The following COG5 variants were observed in gnomAD, a reference collection of about 807,000 sequenced individuals.
COG5 encodes component of oligomeric golgi complex 5.
A neutral mutation model predicts 110.4 loss-of-function variants in COG5; 86 were observed. The observed-to-expected ratio is 0.78, with a 90% confidence interval of 0.65 to 0.93. The LOEUF (loss-of-function observed/expected upper bound fraction) is 0.93. Ranked by LOEUF, COG5 falls within the 40% of genes least tolerant of loss-of-function variation. COG5 has a pLI of 0.00. For synonymous variants in COG5, 360 were observed against 334.6 expected (o/e 1.08, Z -0.83); for missense variants, 1,077 against 987.0 (o/e 1.09, Z -1.22).
chr7:107,312,254 C>A (rs1808333394), intron 11 of COG5, among the ~76,000 whole-genome samples: 1 of 152,106 alleles, frequency 6.6e-6, no homozygotes, highest in African/African-American at 2.4e-5. Context: ...TTAATAAAGA[C>A]TTTAAATATT....
At chr7:107,482,492 T>G (rs936190977) in intron 6 of COG5, among the ~76,000 whole-genome samples, 3 of 152,048 alleles carry the variant, frequency 2.0e-5, no homozygotes, top group Non-Finnish European at 4.4e-5. Flanking sequence ...GTGCTGACGT[T>G]TAACAATTAC....
intron 5 of COG5, among the ~76,000 whole-genome samples, chr7:107,535,222 G>T (rs915864418): frequency 2.6e-5 from 4 of 151,596 alleles, no homozygotes; most frequent in African/African-American, 7.3e-5. Flanking sequence ...AAGTGGGAAA[G>T]ATCTAAAATT....
chr7:107,494,679 T>C (rs541184153), intron 6 of COG5, among the ~76,000 whole-genome samples: 2 of 152,300 alleles, frequency 1.3e-5, no homozygotes, highest in African/African-American at 4.8e-5. Flanking sequence ...TCTCAGAACA[T>C]ATCCCCATCA....
chr7:107,242,690 C>G (rs908806967), intron 17 of COG5, among the ~76,000 whole-genome samples: 27 of 152,340 alleles, frequency 1.8e-4, no homozygotes, highest in African/African-American at 6.3e-4. Context: ...ACCAGTCTGT[C>G]TCCCACAGGT....
At position 107,407,874 on chromosome 7, in the gene COG5, A is replaced by G. The variant is rs1416415653; in HGVS notation, c.669+4628T>C. On this transcript the variant is annotated intron_variant, in intron 7 of 21. Coordinates refer to ENST00000297135, the MANE Select transcript of COG5 (RefSeq NM_006348.5). ...GGACAGCCATAAGTGTCATTTGGGG[A>G]TGTAGCAAGATGGCAAAAAGCAAAT... Among the ~76,000 whole-genome samples, 3 of 152,192 alleles carry G rather than the reference A, an allele frequency of 2.0e-5. No homozygotes were observed. The East Asian group carries it at 5.8e-4, about 29-fold the overall frequency.
rs201734618 is a variant in COG5, at chr7:107,547,341, C to CA, written c.417+769dup. On this transcript the variant is annotated intron_variant, in intron 5 of 21. Transcript: ENST00000297135. ...TCAACAACACATCGTGTTAAAAACT[C>CA]AAAAAAAACTCTATAGAAGGAACGT... Among the ~76,000 whole-genome samples the CA allele has an allele frequency of 3.8e-4, 57 of 151,714 alleles. No individual in the cohort carries two copies. The East Asian group carries it at 6.4e-3, about 17-fold the overall frequency.
chr7:107,252,244 C>G (rs1802571681), intron 16 of COG5, among the ~76,000 whole-genome samples: 1 of 152,012 alleles, frequency 6.6e-6, no homozygotes, highest in African/African-American at 2.4e-5. Context: ...AACAAACCAA[C>G]CACAAAAGGA....
intron 7 of COG5, among the ~76,000 whole-genome samples, chr7:107,386,204 G>C (rs1258710634): frequency 7.4e-6 from 1 of 134,248 alleles, no homozygotes; most frequent in African/African-American, 2.8e-5. Context: ...TATCTAAATA[G>C]CTTCTTTAAA....
At chr7:107,217,291 C>A (rs1306682025) in intron 19 of COG5, among the ~76,000 whole-genome samples, 4 of 152,036 alleles carry the variant, frequency 2.6e-5, no homozygotes, top group Non-Finnish European at 4.4e-5. Context: ...CCTGATGGCT[C>A]CACAGGTGAA....
At chr7:107,476,902 C>CCATG (rs1797030617) in intron 6 of COG5, among the ~76,000 whole-genome samples, 1 of 151,504 alleles carries the variant, frequency 6.6e-6, no homozygotes, top group Non-Finnish European at 1.5e-5. Context: ...GAAATGAATA[C>CCATG]CATGCAGTAG....
intron 7 of COG5, among the ~76,000 whole-genome samples, chr7:107,411,364 C>A (rs1348881816): frequency 6.6e-6 from 1 of 150,614 alleles, no homozygotes; most frequent in Non-Finnish European, 1.5e-5. Flanking sequence ...TTTTTTTAAA[C>A]GGTGTAACAG....
chr7:107,340,172 T>A (rs1433529743), intron 10 of COG5, among the ~76,000 whole-genome samples: 1 of 151,646 alleles, frequency 6.6e-6, no homozygotes, highest in African/African-American at 2.4e-5. Context: ...ATGAGCACAA[T>A]CAGAAATGAC....
intron 10 of COG5, among the ~76,000 whole-genome samples, chr7:107,348,930 T>C (rs1003946467): frequency 6.6e-6 from 1 of 152,088 alleles, no homozygotes; most frequent in Admixed American, 6.5e-5. Flanking sequence ...GATGCCATTA[T>C]AGCCCACTGC....
chr7:107,428,300 A>T (rs1793786808), intron 6 of COG5, among the ~76,000 whole-genome samples: 1 of 152,052 alleles, frequency 6.6e-6, no homozygotes, highest in Non-Finnish European at 1.5e-5. Flanking sequence ...AGTTAAAATA[A>T]AGTTAAACTG....
intron 7 of COG5, among the ~76,000 whole-genome samples, chr7:107,392,719 T>G (rs1396529645): frequency 2.0e-5 from 3 of 152,098 alleles, no homozygotes; most frequent in African/African-American, 7.2e-5. Flanking sequence ...GAGCTGTTTT[T>G]CAGTAGCATT....
intron 12 of COG5, among the ~76,000 whole-genome samples, chr7:107,296,357 G>C (rs552833018): frequency 1.3e-5 from 2 of 151,874 alleles, no homozygotes; most frequent in East Asian, 3.9e-4. Context: ...ATAAAACTAA[G>C]GCAGAAATAG....
At chr7:107,355,969 T>C (rs1812588595) in intron 10 of COG5, among the ~76,000 whole-genome samples, 1 of 152,234 alleles carries the variant, frequency 6.6e-6, no homozygotes, top group Non-Finnish European at 1.5e-5. Flanking sequence ...CATTAGAGTT[T>C]GCTCTTAGCA....
At chr7:107,295,939 C>A (rs1806701740) in intron 12 of COG5, among the ~76,000 whole-genome samples, 1 of 152,092 alleles carries the variant, frequency 6.6e-6, no homozygotes, top group African/African-American at 2.4e-5. Flanking sequence ...TACAGGCATG[C>A]ACCACCACGC....
chr7:107,269,139 C>G (rs1455556148), intron 14 of COG5, among the ~76,000 whole-genome samples: 3 of 152,072 alleles, frequency 2.0e-5, no homozygotes, highest in African/African-American at 7.3e-5. Flanking sequence ...GTTATATATT[C>G]TATTTCTATT....
Sources: gnomAD v4.1 joint callset for allele counts (sites outside exome capture counted in the v4.1 genomes callset) on GRCh38, gnomAD v4.1.1 for gene constraint, MANE v1.5 for transcripts, NCBI Gene and HGNC (gene_info 2026-07-23, HGNC 2026-07-21) for gene names.